Variants in RHBDD1 observed in about 807,000 individuals in gnomAD.
RHBDD1 encodes the protein rhomboid-related protein 4.
A neutral mutation model predicts 36.3 loss-of-function variants in RHBDD1; 38 were observed. The ratio of observed to expected loss-of-function variants is 1.05; its 90% CI spans 0.81 to 1.37. RHBDD1 has a LOEUF of 1.37. Among genes scored for constraint, RHBDD1 ranks in the 40% most tolerant of loss-of-function variants. The pLI, the probability that RHBDD1 is intolerant of heterozygous loss-of-function variation, is 0.00. For synonymous variants in RHBDD1, 151 were observed against 136.5 expected, an observed-to-expected ratio of 1.11 and a Z score of -0.74; for missense variants, 393 against 377.6, an observed-to-expected ratio of 1.04 and a Z score of -0.34.
At chr2:226,970,867 G>A (rs1363837753) in intron 8 of RHBDD1, among the ~76,000 whole-genome samples, 2 of 152,154 alleles carry the variant, frequency 1.3e-5, no homozygotes, top group Admixed American at 1.3e-4. Flanking sequence ...TGCCCATCAT[G>A]TGGGGACATT....
intron 5 of RHBDD1, among the ~76,000 whole-genome samples, chr2:226,870,980 A>G (rs1326223300): frequency 1.3e-5 from 2 of 152,170 alleles, no homozygotes; most frequent in African/African-American, 4.8e-5. Flanking sequence ...ATGTTGTTCA[A>G]GGATCCACTG....
the RHBDD1 span, among the ~76,000 whole-genome samples, chr2:226,815,981 GCT>G: frequency 6.6e-6 from 1 of 152,154 alleles, no homozygotes; most frequent in Admixed American, 6.5e-5. Flanking sequence ...ATTGCCCCCT[GCT>G]CTGTCTCTAG....
At chr2:226,803,296 T>C in the RHBDD1 span, among the ~76,000 whole-genome samples, 1 of 151,248 alleles carries the variant, frequency 6.6e-6, no homozygotes, top group Non-Finnish European at 1.5e-5. Flanking sequence ...ATAACAATAG[T>C]TGATGACTAA....
intron 8 of RHBDD1, among the ~76,000 whole-genome samples, chr2:226,986,201 A>T (rs1258530294): frequency 6.6e-6 from 1 of 152,256 alleles, no homozygotes; most frequent in African/African-American, 2.4e-5. Flanking sequence ...GAAAGGACTC[A>T]GAAAGAGCCA....
chr2:226,852,783 T>A lies in RHBDD1; in HGVS notation c.-90-11821T>A, dbSNP rs114724860. 7.3e-3 allele frequency among the ~76,000 whole-genome samples: 1,115 copies of A among 151,732 alleles called. 13 individuals are homozygous for A. The highest frequency in any genetic ancestry group is 0.043 in the South Asian group (206 of 4,822). On this transcript the variant is annotated intron_variant, in intron 3 of 8. Transcript: ENST00000392062. The stretch of plus-strand genomic sequence containing the variant: ...TTAAATTTAATTAATCTTATTTTAT[T>A]TTTAGCTATCCACTATCATAGCTCA...
intron 1 of RHBDD1, among the ~76,000 whole-genome samples, chr2:226,836,395 G>C (rs1319375486): frequency 6.6e-6 from 1 of 152,246 alleles, no homozygotes; most frequent in Non-Finnish European, 1.5e-5. Flanking sequence ...GGTTGGCGCT[G>C]AGCGAGTTTA....
chr2:226,858,729 T>G (rs1344637174), intron 3 of RHBDD1, among the ~76,000 whole-genome samples: 1 of 152,224 alleles, frequency 6.6e-6, no homozygotes, highest in Non-Finnish European at 1.5e-5. Context: ...TTTTGTTTGT[T>G]CTAGCTGCTT....
rs768405024 is a variant in RHBDD1, at chr2:226,904,427, G to GAGC, written c.567-2366_567-2365insAGC. Among the ~76,000 whole-genome samples, 6 of 90,822 alleles carry GAGC rather than the reference G, an allele frequency of 6.6e-5. 2 individuals carry two copies. The highest frequency in any genetic ancestry group is 2.6e-4 in the African/African-American group (6 of 22,666). 59.6% of individuals were successfully genotyped at this position (90,822 alleles called of 152,430 possible). A position where few individuals can be genotyped will look rare whatever the true frequency, so the allele number is the denominator to read the frequency against. On this transcript the variant is annotated intron_variant, in intron 5 of 8. Transcript: ENST00000392062. ...ACATCCTGCAAGCGGGGGGGGAGGG[G>GAGC]GGTCAGGGAACTCCTGTTTCAGTAG... is the stretch of plus-strand genomic sequence containing the variant.
intron 5 of RHBDD1, chr2:226,867,705 C>T (rs1256311739): frequency 1.2e-5 from 11 of 926,638 alleles, no homozygotes; most frequent in Non-Finnish European, 1.4e-5. Flanking sequence ...TGATCTAATG[C>T]TTTTTATTAT....
chr2:226,803,684 C>T, the RHBDD1 span, among the ~76,000 whole-genome samples: 3 of 152,176 alleles, frequency 2.0e-5, no homozygotes, highest in Non-Finnish European at 4.4e-5. Context: ...CTGACATAAA[C>T]ATTATCAGTT....
intron 8 of RHBDD1, among the ~76,000 whole-genome samples, chr2:226,976,080 T>A (rs1954518289): frequency 6.6e-6 from 1 of 151,592 alleles, no homozygotes; most frequent in East Asian, 1.9e-4. Flanking sequence ...CAGTATGGAT[T>A]GGAGCAGAGG....
intron 7 of RHBDD1, among the ~76,000 whole-genome samples, chr2:226,911,590 A>G (rs867862887): frequency 4.0e-5 from 6 of 148,652 alleles, no homozygotes; most frequent in Non-Finnish European, 8.9e-5. Flanking sequence ...TAAGATGTGT[A>G]AAAACACTAC....
At chr2:226,860,545 C>G (rs774978724) in intron 3 of RHBDD1, among the ~76,000 whole-genome samples, 4 of 152,028 alleles carry the variant, frequency 2.6e-5, no homozygotes, top group Non-Finnish European at 4.4e-5. Context: ...CCTCCCTGGC[C>G]CACAGCGTCA....
intron 8 of RHBDD1, among the ~76,000 whole-genome samples, chr2:226,917,403 G>A (rs1948988048): frequency 6.6e-6 from 1 of 151,854 alleles, no homozygotes; most frequent in East Asian, 1.9e-4. Context: ...GTTAAGAAAT[G>A]AATAATTTTT....
chr2:226,865,883 T>C (rs1307185688), intron 4 of RHBDD1, among the ~76,000 whole-genome samples: 1 of 152,102 alleles, frequency 6.6e-6, no homozygotes, highest in Admixed American at 6.5e-5. Flanking sequence ...GAGAACTACA[T>C]AGGTCCAAGG....
intron 8 of RHBDD1, among the ~76,000 whole-genome samples, chr2:226,957,200 A>G (rs1951842977): frequency 1.3e-5 from 2 of 152,324 alleles, no homozygotes; most frequent in South Asian, 4.1e-4. Context: ...AAAGTACTTG[A>G]TATGGCTTGC....
At chr2:226,959,886 G>C (rs554329614) in intron 8 of RHBDD1, among the ~76,000 whole-genome samples, 1 of 152,066 alleles carries the variant, frequency 6.6e-6, no homozygotes, top group South Asian at 2.1e-4. Context: ...GCAGTGGCGC[G>C]ATCTCGGCTC....
chr2:226,899,226 C>G (rs1462673766), intron 5 of RHBDD1, among the ~76,000 whole-genome samples: 3 of 152,216 alleles, frequency 2.0e-5, no homozygotes, highest in African/African-American at 7.2e-5. Flanking sequence ...TGGGAAAGAA[C>G]ACTGTCTGTT....
intron 3 of RHBDD1, among the ~76,000 whole-genome samples, chr2:226,847,663 T>A (rs989252655): frequency 6.6e-6 from 1 of 152,218 alleles, no homozygotes; most frequent in Non-Finnish European, 1.5e-5. Context: ...AATATGAAGA[T>A]GATTCTTTGG....
Sources: gnomAD v4.1 joint callset for allele counts (sites outside exome capture counted in the v4.1 genomes callset) on GRCh38, gnomAD v4.1.1 for gene constraint, MANE v1.5 for transcripts, NCBI Gene and HGNC (gene_info 2026-07-23, HGNC 2026-07-21) for gene names.